The following VSTM4 variants were observed in gnomAD, a reference collection of about 807,000 sequenced individuals.
VSTM4 encodes V-set and transmembrane domain containing 4.
Under a neutral mutation model 36.4 loss-of-function variants are expected in VSTM4, and 20 were observed. That is an observed-to-expected ratio of 0.55 (90% CI 0.39 to 0.80). VSTM4 has a LOEUF of 0.80. Ranked by LOEUF, VSTM4 falls within the 30% of genes least tolerant of loss-of-function variation. The pLI is 0.00. For synonymous variants in VSTM4, 182 were observed against 173.9 expected, an observed-to-expected ratio of 1.05 and a Z score of -0.37; for missense variants, 392 against 404.5, an observed-to-expected ratio of 0.97 and a Z score of 0.26.
chr10:49,063,426 A>G (rs1421654116), intron 5 of VSTM4, among the ~76,000 whole-genome samples: 1 of 151,972 alleles, frequency 6.6e-6, no homozygotes, highest in African/African-American at 2.4e-5. Flanking sequence ...ATCTCTTCTC[A>G]TTCAAGTTGT....
intron 3 of VSTM4, among the ~76,000 whole-genome samples, chr10:49,084,439 C>T (rs527776571): frequency 2.0e-5 from 3 of 152,302 alleles, no homozygotes; most frequent in East Asian, 1.9e-4. Context: ...GGTCTGCAAA[C>T]GATGTTCACA....
At position 49,014,652 on chromosome 10, in the gene VSTM4, A is replaced by G. The variant is rs1843077343; in HGVS notation, c.*4998T>C. On this transcript the variant is annotated 3_prime_UTR_variant, in exon 8 of 8. Transcript: ENST00000332853. ...AAAGAAAGCACTTTTAAAAAGCAGT[A>G]ATCAATTAATTCAGAATGAGCAAAG... The G allele has an allele frequency of 6.6e-6, 1 of 152,168 alleles. No homozygotes were observed. The highest frequency in any genetic ancestry group is 2.1e-4 in the South Asian group (1 of 4,822). 9.4% of individuals were successfully genotyped at this position (152,168 alleles called of 1,614,324 possible).
intron 7 of VSTM4, among the ~76,000 whole-genome samples, chr10:49,031,074 T>G (rs985425504): frequency 6.6e-6 from 1 of 152,156 alleles, no homozygotes; most frequent in Non-Finnish European, 1.5e-5. Flanking sequence ...AGAGGATGCT[T>G]TTGCTTAGAA....
At position 49,014,657 on chromosome 10, in the gene VSTM4, A is replaced by G. The variant is rs548549436; in HGVS notation, c.*4993T>C. On this transcript the variant is annotated 3_prime_UTR_variant, in exon 8 of 8. Transcript: ENST00000332853. The stretch of plus-strand genomic sequence containing the variant: ...AAGCACTTTTAAAAAGCAGTAATCA[A>G]TTAATTCAGAATGAGCAAAGGCTTA... 2 of 152,296 alleles carry G rather than the reference A, an allele frequency of 1.3e-5. No individual in the cohort carries two copies. Among genetic ancestry groups the G allele is most frequent in the African/African-American group, 4.8e-5 (2 of 41,554 alleles). The allele number at this position is 152,296 out of a possible 1,614,324, so 9.4% of individuals were successfully genotyped here. A position where few individuals can be genotyped will look rare whatever the true frequency, so the allele number is the denominator to read the frequency against.
chr10:49,075,378 G>A lies in VSTM4; in HGVS notation c.634+1841C>T, dbSNP rs117064017. On this transcript the variant is annotated intron_variant, in intron 4 of 7. Coordinates refer to ENST00000332853, the MANE Select transcript of VSTM4 (RefSeq NM_001031746.5). ...GTGGCTTCCACACTCCAACAGTTGG[G>A]TGTAAGGCAGGTGGGAAATAAACCC... is the stretch of plus-strand genomic sequence containing the variant. Among the ~76,000 whole-genome samples the A allele has an allele frequency of 1.6e-3, 249 of 152,352 alleles. 3 individuals are homozygous for A. The East Asian group carries it at 0.02, about 12-fold the overall frequency.
intron 2 of VSTM4, among the ~76,000 whole-genome samples, chr10:49,094,449 C>T (rs1450313769): frequency 2.0e-5 from 3 of 152,164 alleles, no homozygotes; most frequent in Admixed American, 2.0e-4. Context: ...AGTTAAGGAG[C>T]CTGATCCCTG....
chr10:49,065,045 C>A (rs1192685690), intron 4 of VSTM4, among the ~76,000 whole-genome samples: 2 of 152,198 alleles, frequency 1.3e-5, no homozygotes, highest in Non-Finnish European at 2.9e-5. Context: ...AGTCACTCAA[C>A]CTCTAAGCTC....
intron 7 of VSTM4, among the ~76,000 whole-genome samples, chr10:49,037,840 CAAG>C (rs1843456195): frequency 6.7e-6 from 1 of 150,124 alleles, no homozygotes; most frequent in Non-Finnish European, 1.5e-5. Context: ...AAATGGCTGA[CAAG>C]AACATAAAAA....
At chr10:49,064,605 T>C (rs891206697) in intron 5 of VSTM4, 98 bp downstream of exon 5, 2 of 1,386,314 alleles carry the variant, frequency 1.4e-6, no homozygotes, top group Middle Eastern at 2.2e-4. Context: ...ATGCAGACTT[T>C]TAGGTAAAAC....
intron 2 of VSTM4, among the ~76,000 whole-genome samples, chr10:49,092,543 C>T (rs573430208): frequency 2.5e-4 from 38 of 152,164 alleles, no homozygotes; most frequent in African/African-American, 8.9e-4. Context: ...CAAAGTGATA[C>T]GGGAGTGCTG....
At chr10:49,089,641 T>C (rs1844436034) in intron 2 of VSTM4, among the ~76,000 whole-genome samples, 1 of 152,206 alleles carries the variant, frequency 6.6e-6, no homozygotes, top group Admixed American at 6.5e-5. Context: ...AGTGCAGATA[T>C]TTCACAGGAC....
intron 7 of VSTM4, among the ~76,000 whole-genome samples, chr10:49,021,640 C>T (rs546781082): frequency 2.6e-5 from 4 of 151,952 alleles, no homozygotes; most frequent in Admixed American, 1.3e-4. Context: ...ATCAGAAAAC[C>T]GACACTTAAA....
intron 7 of VSTM4, among the ~76,000 whole-genome samples, chr10:49,025,007 C>G (rs1843236183): frequency 6.6e-6 from 1 of 151,876 alleles, no homozygotes; most frequent in Non-Finnish European, 1.5e-5. Context: ...TCCAATTTGA[C>G]TGGTGTTCTT....
chr10:49,083,753 A>C (rs1482927145), intron 3 of VSTM4, among the ~76,000 whole-genome samples: 1 of 152,202 alleles, frequency 6.6e-6, no homozygotes, highest in Non-Finnish European at 1.5e-5. Flanking sequence ...AGAAATGCTG[A>C]TTATGCTGTG....
rs149083098 is a variant in VSTM4, at chr10:49,081,065, C to T, written c.527-3739G>A. ...GGATTCTGGACAAGACACTTCATGACGAACTCAGGGACAGAGCAAAGTTCA... is the reference window on the plus strand; with the variant it reads ...GGATTCTGGACAAGACACTTCATGATGAACTCAGGGACAGAGCAAAGTTCA... On this transcript the variant is annotated intron_variant, in intron 3 of 7. Coordinates refer to ENST00000332853, the MANE Select transcript of VSTM4 (RefSeq NM_001031746.5). 1.5e-3 allele frequency among the ~76,000 whole-genome samples: 225 copies of T among 152,316 alleles called. 3 individuals are homozygous for T. Among genetic ancestry groups the T allele is most frequent in the African/African-American group, 3.4e-3 (140 of 41,576 alleles).
chr10:49,108,763 G>T (rs1000801511), intron 1 of VSTM4, among the ~76,000 whole-genome samples: 1 of 152,094 alleles, frequency 6.6e-6, no homozygotes, highest in Admixed American at 6.5e-5. Context: ...CTGTCCTTTG[G>T]TTCCTTAGTT....
chr10:49,107,481 G>GA (rs1448718352), intron 2 of VSTM4, 113 bp downstream of exon 2: 1 of 1,359,154 alleles, frequency 7.4e-7, no homozygotes, highest in Non-Finnish European at 9.9e-7. Context: ...AGGCCCACAA[G>GA]ATATGTTCTA....
intron 4 of VSTM4, among the ~76,000 whole-genome samples, chr10:49,072,011 C>A (rs988880832): frequency 6.6e-6 from 1 of 152,178 alleles, no homozygotes; most frequent in East Asian, 1.9e-4. Flanking sequence ...TGTTATAGTG[C>A]AGTGCATTAA....
chr10:49,039,464 G>A (rs140668671), intron 7 of VSTM4, among the ~76,000 whole-genome samples: 59 of 152,270 alleles, frequency 3.9e-4, no homozygotes, highest in African/African-American at 1.4e-3. Flanking sequence ...AAGACAGGAT[G>A]CAAGCGCTTC....
Sources: gnomAD v4.1 joint callset for allele counts (sites outside exome capture counted in the v4.1 genomes callset) on GRCh38, gnomAD v4.1.1 for gene constraint, MANE v1.5 for transcripts, NCBI Gene and HGNC (gene_info 2026-07-23, HGNC 2026-07-21) for gene names.